The following NEK11 variants were observed in gnomAD, a reference collection of about 807,000 sequenced individuals.
The protein encoded by NEK11 is serine/threonine-protein kinase Nek11.
In NEK11, 72 loss-of-function variants were observed where a neutral mutation model predicts 80.7. The observed-to-expected ratio is 0.89, with a 90% CI of 0.74 to 1.08. The LOEUF is 1.08. NEK11 is among the 50% of genes least tolerant of loss of function. NEK11 has a pLI of 0.00. For missense variants in NEK11, 764 were observed against 763.6 expected, an observed-to-expected ratio of 1.00 and a Z score of -0.01; for synonymous variants, 251 against 260.7, an observed-to-expected ratio of 0.96 and a Z score of 0.36.
intron 17 of NEK11, among the ~76,000 whole-genome samples, chr3:131,279,573 A>C (rs2096362191): frequency 6.6e-6 from 1 of 152,136 alleles, no homozygotes; most frequent in South Asian, 2.1e-4. Flanking sequence ...TCTGTCCCCG[A>C]AAATTCCCTG....
chr3:131,126,573 A>T (rs955941754), intron 5 of NEK11, among the ~76,000 whole-genome samples: 1 of 152,186 alleles, frequency 6.6e-6, no homozygotes, highest in African/African-American at 2.4e-5. Context: ...GTCACTTTCC[A>T]TGTAACAGAC....
chr3:131,050,037 C>T (rs935171844), intron 3 of NEK11, among the ~76,000 whole-genome samples: 107 of 152,176 alleles, frequency 7.0e-4, no homozygotes, highest in African/African-American at 2.5e-3. Context: ...ACTAACTACC[C>T]ATGCCTTTGC....
At chr3:131,115,308 G>C (rs1296708785) in intron 5 of NEK11, among the ~76,000 whole-genome samples, 1 of 152,174 alleles carries the variant, frequency 6.6e-6, no homozygotes, top group Non-Finnish European at 1.5e-5. Flanking sequence ...TGGCTTTCCT[G>C]GGTCTCTAGC....
intron 14 of NEK11, among the ~76,000 whole-genome samples, chr3:131,181,587 A>C (rs963000106): frequency 6.6e-6 from 1 of 151,994 alleles, no homozygotes; most frequent in Non-Finnish European, 1.5e-5. Context: ...TCTACTAAAA[A>C]TACAAAAAAT....
At chr3:131,111,764 G>T (rs1035894101) in intron 5 of NEK11, among the ~76,000 whole-genome samples, 2 of 152,028 alleles carry the variant, frequency 1.3e-5, no homozygotes, top group African/African-American at 4.8e-5. Flanking sequence ...TATAAAGTAA[G>T]GATAATAATA....
intron 14 of NEK11, among the ~76,000 whole-genome samples, chr3:131,223,047 A>T (rs1205572117): frequency 6.6e-6 from 1 of 152,170 alleles, no homozygotes; most frequent in East Asian, 1.9e-4. Flanking sequence ...TGCCTGGCAT[A>T]CAGAAGATCT....
At chr3:131,035,660 A>T (rs2065526641) in intron 3 of NEK11, among the ~76,000 whole-genome samples, 1 of 151,728 alleles carries the variant, frequency 6.6e-6, no homozygotes, top group African/African-American at 2.4e-5. Context: ...CCACTTCTTA[A>T]TCTGGTTCCT....
chr3:131,148,269 A>G (rs2088808618), intron 7 of NEK11, among the ~76,000 whole-genome samples: 1 of 151,950 alleles, frequency 6.6e-6, no homozygotes, highest in South Asian at 2.1e-4. Flanking sequence ...CTATTTGCTA[A>G]TATGTGTGTG....
chr3:131,321,111 G>T (rs556791244), intron 17 of NEK11, among the ~76,000 whole-genome samples: 3 of 152,012 alleles, frequency 2.0e-5, no homozygotes, highest in Non-Finnish European at 4.4e-5. Context: ...GTACTATAAG[G>T]CTACAGTAAC....
intron 7 of NEK11, among the ~76,000 whole-genome samples, chr3:131,139,082 A>G (rs550419378): frequency 6.6e-6 from 1 of 152,266 alleles, no homozygotes; most frequent in South Asian, 2.1e-4. Flanking sequence ...GCAACCTTTC[A>G]GACAGAGAAT....
At position 131,301,476 on chromosome 3, in the gene NEK11, T is replaced by TA. The variant is rs555992144; in HGVS notation, c.1718+27902_1718+27903insA. On this transcript the variant is annotated intron_variant, in intron 17 of 17. Transcript: ENST00000383366. ...TGTTTCTCAAGGGGAATGCTACAGC[T>TA]TTTTTTTTTTGTTCAGTATGATGTT... Among the ~76,000 whole-genome samples the TA allele has an allele frequency of 2.7e-4, 38 of 142,470 alleles. No individual in the cohort carries two copies. The East Asian group carries it at 6.6e-3, about 25-fold the overall frequency. 93.5% of individuals were successfully genotyped at this position (142,470 alleles called of 152,430 possible).
chr3:131,084,849 G>A (rs1003472153), intron 4 of NEK11, among the ~76,000 whole-genome samples: 9 of 152,140 alleles, frequency 5.9e-5, no homozygotes, highest in African/African-American at 2.2e-4. Context: ...CCAGGCATCA[G>A]GGTTTTGAGA....
rs1459312170 is a variant in NEK11, at chr3:131,228,665, C to T, written c.1537C>T (p.Pro513Ser). The stretch of plus-strand genomic sequence containing the variant: ...AGAAATCAGGAATGAGGGATCCCAG[C>T]CTGCTTACAGAACAAACCAACAGGT... ...EKEIRNEGSQ[P>S]AYRTNQQDSD... The change falls in exon 15 of 18, where the codon CCT becomes TCT. Residue 513 changes from proline to serine, a missense_variant. Coordinates refer to ENST00000383366, the MANE Select transcript of NEK11 (RefSeq NM_024800.5). 6.2e-7 allele frequency: 1 copy of T among 1,612,852 alleles called. No homozygotes were observed. Among genetic ancestry groups the T allele is most frequent in the African/African-American group, 1.3e-5 (1 of 74,878 alleles).
In NEK11 at chr3:131,152,552, A is replaced by G. The variant is rs2089876914; in HGVS notation, c.797+15A>G. The stretch of plus-strand genomic sequence containing the variant: ...ATCATGGAAAGGTATAGAAATAAAC[A>G]TGTTGTCACAGAAATAATTTAAAGT... On this transcript the variant is annotated intron_variant, in intron 8 of 17. Transcript: ENST00000383366. The G allele has an allele frequency of 5.0e-6, 8 of 1,610,254 alleles. No individual in the cohort carries two copies. Among genetic ancestry groups the G allele is most frequent in the Non-Finnish European group, 6.8e-6 (8 of 1,178,138 alleles).
intron 3 of NEK11, among the ~76,000 whole-genome samples, chr3:131,077,441 A>T (rs566621266): frequency 4.0e-4 from 61 of 152,282 alleles, no homozygotes; most frequent in African/African-American, 1.4e-3. Flanking sequence ...TAATAGCCCT[A>T]CCTTCATCTG....
At chr3:131,138,580 A>G (rs1198655081) in intron 7 of NEK11, among the ~76,000 whole-genome samples, 1 of 152,026 alleles carries the variant, frequency 6.6e-6, no homozygotes, top group Non-Finnish European at 1.5e-5. Flanking sequence ...AATAGGAAGT[A>G]GTTATGGGGG....
intron 3 of NEK11, among the ~76,000 whole-genome samples, chr3:131,049,789 C>T (rs1577439467): frequency 6.6e-6 from 1 of 152,088 alleles, no homozygotes; most frequent in East Asian, 1.9e-4. Flanking sequence ...ACTGCATTTT[C>T]TAAAAGTAGA....
intron 3 of NEK11, among the ~76,000 whole-genome samples, chr3:131,043,990 C>T (rs1032541910): frequency 6.6e-6 from 1 of 152,060 alleles, no homozygotes; most frequent in African/African-American, 2.4e-5. Context: ...ATTTTCAACC[C>T]AGAATTCCAT....
At chr3:131,287,466 G>T (rs1022351489) in intron 17 of NEK11, among the ~76,000 whole-genome samples, 3 of 152,082 alleles carry the variant, frequency 2.0e-5, no homozygotes, top group Admixed American at 6.6e-5. Flanking sequence ...TAGAGATGGG[G>T]TTTCGCCATG....
Sources: allele counts gnomAD v4.1 joint callset (sites outside exome capture counted in the v4.1 genomes callset), GRCh38; gene constraint gnomAD v4.1.1; transcripts MANE v1.5; gene names NCBI Gene and HGNC (gene_info 2026-07-23, HGNC 2026-07-21).